RGSL1: variants seen among roughly 807,000 people sequenced by gnomAD.
RGSL1 encodes regulator of G protein signaling protein-like.
A neutral mutation model predicts 124.7 loss-of-function variants in RGSL1; 97 were observed. That is an observed-to-expected ratio of 0.78 (90% confidence interval 0.66 to 0.92). The LOEUF (loss-of-function observed/expected upper bound fraction) is 0.92, where lower values mean the gene tolerates loss of function less well. RGSL1 is among the 40% of genes least tolerant of loss of function. RGSL1 has a pLI of 0.00. For synonymous variants in RGSL1, 424 were observed against 438.1 expected, an observed-to-expected ratio of 0.97 and a Z score of 0.40; for missense variants, 1,233 against 1,288.4, an observed-to-expected ratio of 0.96 and a Z score of 0.66.
Position 182,474,005 on chromosome 1 carries a change from T to C in RGSL1, c.894T>C (p.Ala298=). The C allele has an allele frequency of 1.3e-6, 2 of 1,551,840 alleles. No individual in the cohort carries two copies. The highest frequency in any genetic ancestry group is 2.4e-5 in the South Asian group (2 of 84,064). ...VVIQMPSLKM[A]SSKETRISSL... ...TACAAATGCCTTCCCTGAAAATGGC[T>C]TCTTCAAAGGAAACAAGAATCAGTT... Residue 298 remains alanine, a synonymous_variant, in exon 6 of 22, where the codon GCT becomes GCC. Coordinates refer to ENST00000294854, the MANE Select transcript of RGSL1 (RefSeq NM_001137669.2).
intron 14 of RGSL1, among the ~76,000 whole-genome samples, chr1:182,539,089 G>A (rs992361797): frequency 6.6e-6 from 1 of 152,102 alleles, no homozygotes; most frequent in African/African-American, 2.4e-5. Flanking sequence ...AATGTCAGTA[G>A]CCAAAAATCT....
At chr1:182,490,915 CTTTT>C (rs10676767) in intron 8 of RGSL1, among the ~76,000 whole-genome samples, 1 of 129,030 alleles carries the variant, frequency 7.8e-6, no homozygotes. Flanking sequence ...AGAACATTAT[CTTTT>C]TTTTTTTTTT....
intron 4 of RGSL1, among the ~76,000 whole-genome samples, chr1:182,467,712 G>C (rs1653460360): frequency 6.6e-6 from 1 of 152,166 alleles, no homozygotes; most frequent in African/African-American, 2.4e-5. Flanking sequence ...CATGGGCAAG[G>C]ACTTCATGTC....
intron 10 of RGSL1, among the ~76,000 whole-genome samples, chr1:182,523,218 T>TTG (rs1239537932): frequency 6.7e-6 from 1 of 150,372 alleles, no homozygotes; most frequent in Non-Finnish European, 1.5e-5. Context: ...CTTTTTTTTT[T>TTG]TTTCTAGAGA....
chr1:182,523,869 T>C (rs911201892), intron 10 of RGSL1, among the ~76,000 whole-genome samples: 3 of 152,214 alleles, frequency 2.0e-5, no homozygotes, highest in African/African-American at 4.8e-5. Flanking sequence ...CTAATTACTA[T>C]GGGAGTGAAA....
At chr1:182,554,028 C>T (rs1398505218) in intron 19 of RGSL1, among the ~76,000 whole-genome samples, 1 of 152,160 alleles carries the variant, frequency 6.6e-6, no homozygotes, top group Admixed American at 6.5e-5. Flanking sequence ...ATACTGAGGC[C>T]ATATTATATT....
upstream of RGSL1, chr1:182,448,318 T>G (rs1651596884): frequency 6.6e-6 from 1 of 152,196 alleles, no homozygotes. Context: ...GCCTCCCAGA[T>G]TCAAGCAATT....
chr1:182,482,357 C>T (rs1171507942), intron 6 of RGSL1, among the ~76,000 whole-genome samples: 1 of 151,660 alleles, frequency 6.6e-6, no homozygotes, highest in Non-Finnish European at 1.5e-5. Context: ...CCCTCCTCAT[C>T]AACAAAATAC....
chr1:182,547,733 C>T (rs543034449), intron 15 of RGSL1, among the ~76,000 whole-genome samples: 65 of 152,086 alleles, frequency 4.3e-4, no homozygotes, highest in South Asian at 3.1e-3. Context: ...TGGTGGCAGA[C>T]GCCTGTAGTC....
At chr1:182,504,319 A>G (rs1051163876) in intron 9 of RGSL1, among the ~76,000 whole-genome samples, 12 of 151,640 alleles carry the variant, frequency 7.9e-5, no homozygotes, top group Admixed American at 3.3e-4. Context: ...GGTTAGACAT[A>G]ATTCTCCCGG....
intron 4 of RGSL1, among the ~76,000 whole-genome samples, chr1:182,462,733 A>C (rs1185761926): frequency 6.6e-6 from 1 of 152,238 alleles, no homozygotes; most frequent in Admixed American, 6.5e-5. Context: ...GCTGTCAAAG[A>C]AGCAAAGTTT....
chr1:182,452,396 G>A (rs1050556043), intron 1 of RGSL1, among the ~76,000 whole-genome samples: 4 of 151,836 alleles, frequency 2.6e-5, no homozygotes, highest in Non-Finnish European at 4.4e-5. Context: ...AGATGTATGT[G>A]AACAGAGGGC....
chr1:182,498,896 G>C (rs1291463231), intron 9 of RGSL1, among the ~76,000 whole-genome samples: 1 of 151,590 alleles, frequency 6.6e-6, no homozygotes, highest in African/African-American at 2.4e-5. Context: ...GGGTTCAAGC[G>C]ATTCTCCTGC....
Position 182,489,117 on chromosome 1 carries a change from T to C in RGSL1, c.1632T>C (p.Tyr544=), listed in dbSNP as rs1336895300. The change falls in exon 8 of 22, where the codon TAT becomes TAC. Residue 544 remains tyrosine (Y), a synonymous_variant. Coordinates refer to ENST00000294854, the MANE Select transcript of RGSL1 (RefSeq NM_001137669.2). Reference sequence around the variant, plus strand: ...TGGCTGACATGAAGGAAATGGACTATAGGCAGTGGCGAAAGATAGCTACTG... The same window carrying C: ...TGGCTGACATGAAGGAAATGGACTACAGGCAGTGGCGAAAGATAGCTACTG... ...QALADMKEMD[Y]RQWRKIATED... 7 of 1,551,564 alleles carry C rather than the reference T, an allele frequency of 4.5e-6. No homozygotes were observed. The highest frequency in any genetic ancestry group is 2.4e-5 in the East Asian group (1 of 40,930).
chr1:182,540,158 G>A, intron 14 of RGSL1, 89 bp from the exon 15 acceptor site: 2 of 1,276,638 alleles, frequency 1.6e-6, no homozygotes, highest in Non-Finnish European at 2.1e-6. Flanking sequence ...TGGATCCACA[G>A]TCTCCTTTCT....
At chr1:182,513,974 A>G (rs981741419) in intron 9 of RGSL1, among the ~76,000 whole-genome samples, 1 of 150,562 alleles carries the variant, frequency 6.6e-6, no homozygotes, top group Non-Finnish European at 1.5e-5. Flanking sequence ...GCTCACTGCA[A>G]CCTCCATCTC....
intron 4 of RGSL1, among the ~76,000 whole-genome samples, chr1:182,461,152 TG>T (rs2101999295): frequency 6.6e-6 from 1 of 152,146 alleles, no homozygotes; most frequent in East Asian, 1.9e-4. Flanking sequence ...TTTTTCTTTT[TG>T]GGAGGCAGAT....
At chr1:182,540,834 T>C (rs1281921941) in intron 15 of RGSL1, among the ~76,000 whole-genome samples, 3 of 152,230 alleles carry the variant, frequency 2.0e-5, no homozygotes, top group African/African-American at 7.2e-5. Context: ...CATATTAGTG[T>C]ATATTAATTC....
intron 9 of RGSL1, among the ~76,000 whole-genome samples, chr1:182,518,351 G>A (rs1427247540): frequency 6.6e-6 from 1 of 152,164 alleles, no homozygotes. Flanking sequence ...CCCAAACGGA[G>A]GGGATCTCAA....
Sources: gnomAD v4.1 joint callset for allele counts (sites outside exome capture counted in the v4.1 genomes callset) on GRCh38, gnomAD v4.1.1 for gene constraint, MANE v1.5 for transcripts, NCBI Gene and HGNC (gene_info 2026-07-23, HGNC 2026-07-21) for gene names.